KHDRBS2: variants seen among roughly 807,000 people sequenced by gnomAD.
The protein encoded by KHDRBS2 is KH domain-containing, RNA-binding, signal transduction-associated protein 2.
A neutral mutation model predicts 44.3 loss-of-function variants in KHDRBS2; 26 were observed. That is an observed-to-expected ratio of 0.59 (90% CI 0.43 to 0.81). The LOEUF is 0.81. Ranked by LOEUF, KHDRBS2 falls within the 40% of genes least tolerant of loss-of-function variation. The pLI is 0.00. For missense variants in KHDRBS2, 476 were observed against 433.1 expected, an observed-to-expected ratio of 1.10 and a Z score of -0.88; for synonymous variants, 194 against 151.1, an observed-to-expected ratio of 1.28 and a Z score of -2.08.
At chr6:61,933,483 C>A (rs1389187998) in intron 4 of KHDRBS2, among the ~76,000 whole-genome samples, 2 of 152,162 alleles carry the variant, frequency 1.3e-5, no homozygotes, top group East Asian at 3.9e-4. Flanking sequence ...ACGTTATGCA[C>A]TGCTTAACCA....
intron 2 of KHDRBS2, among the ~76,000 whole-genome samples, chr6:62,065,789 A>G (rs1280642731): frequency 3.3e-5 from 5 of 152,206 alleles, no homozygotes; most frequent in Middle Eastern, 3.4e-3. Flanking sequence ...ATAAAAAAAA[A>G]AAAAGAATGA....
intron 3 of KHDRBS2, among the ~76,000 whole-genome samples, chr6:62,024,692 TGA>T (rs1782974601): frequency 2.0e-5 from 3 of 151,634 alleles, no homozygotes; most frequent in Admixed American, 2.0e-4. Flanking sequence ...ATCATTGTCT[TGA>T]ATTGTTTGTC....
intron 6 of KHDRBS2, among the ~76,000 whole-genome samples, chr6:61,772,520 G>T (rs1351786774): frequency 1.3e-5 from 2 of 152,106 alleles, no homozygotes; most frequent in African/African-American, 4.8e-5. Flanking sequence ...TACCATCAGA[G>T]AATACTATAA....
chr6:61,544,565 G>A, the KHDRBS2 span, among the ~76,000 whole-genome samples: 4 of 152,090 alleles, frequency 2.6e-5, no homozygotes, highest in Non-Finnish European at 4.4e-5. Flanking sequence ...GAAAGTGGTA[G>A]GGAAGAGAAA....
intron 6 of KHDRBS2, among the ~76,000 whole-genome samples, chr6:61,775,631 T>G (rs1455624323): frequency 6.6e-6 from 1 of 152,090 alleles, no homozygotes; most frequent in Admixed American, 6.6e-5. Context: ...CATTGCTCAA[T>G]GAAATAAAAG....
At chr6:62,117,058 A>G (rs1205124653) in intron 2 of KHDRBS2, among the ~76,000 whole-genome samples, 1 of 152,210 alleles carries the variant, frequency 6.6e-6, no homozygotes, top group African/African-American at 2.4e-5. Context: ...GCTGCAATAA[A>G]TATGGGAGTG....
chr6:62,145,581 G>T (rs1203469791), intron 2 of KHDRBS2, among the ~76,000 whole-genome samples: 2 of 151,306 alleles, frequency 1.3e-5, no homozygotes, highest in African/African-American at 4.8e-5. Context: ...TTATTTTTAG[G>T]TTTACTTCCA....
the KHDRBS2 span, among the ~76,000 whole-genome samples, chr6:61,619,424 G>A: frequency 7.2e-6 from 1 of 139,650 alleles, no homozygotes; most frequent in African/African-American, 2.6e-5. Flanking sequence ...CAAGTTACTG[G>A]AAAATACATT....
At chr6:62,169,883 A>C (rs189373854) in intron 2 of KHDRBS2, among the ~76,000 whole-genome samples, 87 of 151,982 alleles carry the variant, frequency 5.7e-4, no homozygotes, top group African/African-American at 1.7e-3. Flanking sequence ...TGGGAGCAGT[A>C]AGATTGATCC....
chr6:61,981,450 T>TA (rs34415421), intron 3 of KHDRBS2, among the ~76,000 whole-genome samples: 15 of 149,146 alleles, frequency 1.0e-4, no homozygotes, highest in African/African-American at 3.4e-4. Flanking sequence ...TCCTCTCACT[T>TA]AAAAAAAAAA....
chr6:61,828,145 G>T (rs903735054), intron 6 of KHDRBS2, among the ~76,000 whole-genome samples: 1 of 152,142 alleles, frequency 6.6e-6, no homozygotes, highest in Non-Finnish European at 1.5e-5. Context: ...AAGCCTTCTG[G>T]ATTTCCTGAA....
intron 4 of KHDRBS2, among the ~76,000 whole-genome samples, chr6:61,948,317 A>G (rs1764017963): frequency 6.6e-6 from 1 of 152,094 alleles, no homozygotes; most frequent in Admixed American, 6.6e-5. Context: ...TGTGTGATTT[A>G]TGTAATTGCA....
chr6:61,619,673 C>G, the KHDRBS2 span, among the ~76,000 whole-genome samples: 6 of 152,066 alleles, frequency 3.9e-5, no homozygotes, highest in African/African-American at 1.4e-4. Context: ...AGACTGGTCT[C>G]GAACTCCTGA....
intron 1 of KHDRBS2, among the ~76,000 whole-genome samples, chr6:62,238,052 C>CA (rs398048582): frequency 0.044 from 5,155 of 116,640 alleles, 319 homozygotes; most frequent in African/African-American, 0.16. Flanking sequence ...GACTCTGTCT[C>CA]AAAAAAAAAA....
chr6:61,688,810 T>G (rs779616462), intron 8 of KHDRBS2, among the ~76,000 whole-genome samples: 6 of 151,898 alleles, frequency 4.0e-5, no homozygotes, highest in Non-Finnish European at 5.9e-5. Context: ...AAGATCTTAG[T>G]TAGTCTTTGT....
Position 62,063,425 on chromosome 6 carries a change from C to T in KHDRBS2, c.220-15431G>A, listed in dbSNP as rs888113593. On this transcript the variant is annotated intron_variant, in intron 2 of 8. Transcript: ENST00000281156. ...ATCCAGCAGGACATCAAAAAGCTTA[C>T]CCACCATGATCAAGTGGGCTTCATC... is the stretch of plus-strand genomic sequence containing the variant. Among the ~76,000 whole-genome samples the T allele has an allele frequency of 6.0e-5, 9 of 151,252 alleles. No homozygotes were observed. The South Asian group carries it at 1.0e-3, about 18-fold the overall frequency.
intron 6 of KHDRBS2, among the ~76,000 whole-genome samples, chr6:61,782,738 T>TATATATAC (rs1554206170): frequency 8.5e-6 from 1 of 117,874 alleles, no homozygotes; most frequent in African/African-American, 3.0e-5. Context: ...TATATATATA[T>TATATATAC]ACACACACAC....
At chr6:62,191,720 C>A (rs1021432038) in intron 1 of KHDRBS2, among the ~76,000 whole-genome samples, 1 of 152,110 alleles carries the variant, frequency 6.6e-6, no homozygotes, top group African/African-American at 2.4e-5. Context: ...CGGCTCTCAA[C>A]ACAATGATTT....
At chr6:62,229,448 T>C (rs1832522141) in intron 1 of KHDRBS2, among the ~76,000 whole-genome samples, 1 of 152,194 alleles carries the variant, frequency 6.6e-6, no homozygotes. Context: ...TAGGCAGCTA[T>C]CAGTCCCAGT....
Sources: gnomAD v4.1 joint callset for allele counts (sites outside exome capture counted in the v4.1 genomes callset) on GRCh38, gnomAD v4.1.1 for gene constraint, MANE v1.5 for transcripts, NCBI Gene and HGNC (gene_info 2026-07-23, HGNC 2026-07-21) for gene names.